TIMM23: variants seen among roughly 807,000 people sequenced by gnomAD.
TIMM23 encodes the protein translocase of inner mitochondrial membrane 23, also known as mitochondrial import inner membrane translocase subunit Tim23.
Under a neutral mutation model 30.7 loss-of-function variants are expected in TIMM23, and 19 were observed. The observed-to-expected ratio is 0.62, with a 90% confidence interval of 0.43 to 0.91. The LOEUF (loss-of-function observed/expected upper bound fraction) is 0.91, where lower values mean the gene tolerates loss of function less well. Ranked by LOEUF, TIMM23 falls within the 40% of genes least tolerant of loss-of-function variation. The pLI, the probability that TIMM23 is intolerant of heterozygous loss-of-function variation, is 0.00. For missense variants in TIMM23, 202 were observed against 269.2 expected (o/e 0.75, Z 1.75); for synonymous variants, 78 against 98.5 (o/e 0.79, Z 1.23).
chr10:45,999,388 C>T (rs1399702516), intron 6 of TIMM23, among the ~76,000 whole-genome samples: 5 of 152,156 alleles, frequency 3.3e-5, no homozygotes, highest in South Asian at 2.1e-4. Flanking sequence ...TTTCCTTAAG[C>T]GTCAGCCAGC....
intron 6 of TIMM23, among the ~76,000 whole-genome samples, chr10:45,993,334 C>T (rs1838228571): frequency 6.7e-6 from 1 of 149,308 alleles, no homozygotes; most frequent in African/African-American, 2.5e-5. Context: ...CACCCTCTGC[C>T]TCCTGCCTCC....
rs1293438904 is a variant in TIMM23 at position 45,985,372 on chromosome 10, T to C, written c.345-11T>C. 11 of 1,613,396 alleles carry C rather than the reference T, an allele frequency of 6.8e-6. No individual in the cohort carries two copies. Among genetic ancestry groups the C allele is most frequent in the Non-Finnish European group, 9.3e-6 (11 of 1,179,440 alleles). On this transcript the variant is annotated splice_polypyrimidine_tract_variant and intron_variant, in intron 4 of 6. Coordinates refer to ENST00000580018, the MANE Select transcript of TIMM23 (RefSeq NM_006327.4). Reference sequence around the variant, plus strand: ...TCTAAATACAGATTCTTTCTCTTTCTGCCCTGATAGGATTTTGAATATGGT... The same window carrying C: ...TCTAAATACAGATTCTTTCTCTTTCCGCCCTGATAGGATTTTGAATATGGT...
At chr10:46,002,611 C>A in intron 6 of TIMM23, 1 of 540,884 alleles carries the variant, frequency 1.8e-6, no homozygotes, top group Non-Finnish European at 2.4e-6. Context: ...AATCATATTA[C>A]TAGCAGGAAA....
rs1469882837 is a variant in TIMM23, at chr10:45,993,621, T to A, written c.514+4774T>A. Among the ~76,000 whole-genome samples, 5 of 151,880 alleles carry A rather than the reference T, an allele frequency of 3.3e-5. No homozygotes were observed. In the East Asian group the frequency reaches 9.7e-4, roughly 29 times the overall value. On this transcript the variant is annotated intron_variant, in intron 6 of 6. Coordinates refer to ENST00000580018, the MANE Select transcript of TIMM23 (RefSeq NM_006327.4). The stretch of plus-strand genomic sequence containing the variant: ...TGAAATGCCGGGTGTGGTGGCACAC[T>A]CCAGCCTGGGCGATAGAGCAAGTCT...
At chr10:45,990,362 T>A (rs74490530) in intron 6 of TIMM23, among the ~76,000 whole-genome samples, 7 of 151,978 alleles carry the variant, frequency 4.6e-5, no homozygotes, top group Admixed American at 2.6e-4. Flanking sequence ...ACCTCAGGTG[T>A]TCCACCCTCC....
intron 6 of TIMM23, among the ~76,000 whole-genome samples, chr10:45,989,075 A>G (rs1838080981): frequency 1.3e-5 from 2 of 152,220 alleles, no homozygotes; most frequent in African/African-American, 4.8e-5. Flanking sequence ...ACATGATTAT[A>G]TAACCAATCT....
chr10:45,997,910 T>C (rs1260629203), intron 6 of TIMM23, among the ~76,000 whole-genome samples: 2 of 152,224 alleles, frequency 1.3e-5, no homozygotes, highest in Admixed American at 1.3e-4. Flanking sequence ...TGGTAAAATT[T>C]ATGTTACATG....
At chr10:45,975,646 C>T (rs1554912935) in intron 2 of TIMM23, 134 bp downstream of exon 2, 131 of 1,148,892 alleles carry the variant, frequency 1.1e-4, no homozygotes, top group Non-Finnish European at 1.4e-4. Flanking sequence ...CCCTTTTTTC[C>T]TCACAAACAC....
intron 6 of TIMM23, among the ~76,000 whole-genome samples, chr10:45,999,415 C>G (rs1423130157): frequency 6.6e-6 from 1 of 152,030 alleles, no homozygotes; most frequent in Non-Finnish European, 1.5e-5. Flanking sequence ...AATAAAGGGA[C>G]AGGGTACAAA....
chr10:46,002,341 A>G (rs1838570078), intron 6 of TIMM23: 1 of 169,544 alleles, frequency 5.9e-6, no homozygotes, highest in Non-Finnish European at 1.2e-5. Flanking sequence ...CCACTAAGCT[A>G]ATTTTTCTAT....
intron 6 of TIMM23, among the ~76,000 whole-genome samples, chr10:45,995,263 A>G (rs1838294208): frequency 6.6e-6 from 1 of 151,982 alleles, no homozygotes; most frequent in African/African-American, 2.4e-5. Context: ...TTAGACTCTA[A>G]TTTCTTTTGA....
In TIMM23 at chr10:45,993,244, C is replaced by CTTT. The variant is rs782013689; in HGVS notation, c.514+4412_514+4414dup. 2.2e-4 allele frequency among the ~76,000 whole-genome samples: 16 copies of CTTT among 72,040 alleles called. 1 individual carries two copies. Among genetic ancestry groups the CTTT allele is most frequent in the Middle Eastern group, 8.2e-3 (1 of 122 alleles). The allele number at this position is 72,040 out of a possible 152,430, so 47.3% of individuals were successfully genotyped here. On this transcript the variant is annotated intron_variant, in intron 6 of 6. Transcript: ENST00000580018. ...TTGCCAGTGTGAGCATCTACCATCACTTTTTTTTTTTTTTTTTGGAGACTG... is the reference window on the plus strand; with the variant it reads ...TTGCCAGTGTGAGCATCTACCATCACTTTTTTTTTTTTTTTTTTTTGGAGACTG...
At chr10:45,993,679 GAATAAATGA>G (rs1399740611) in intron 6 of TIMM23, among the ~76,000 whole-genome samples, 7 of 151,880 alleles carry the variant, frequency 4.6e-5, no homozygotes, top group South Asian at 2.1e-4. Context: ...GAAATGAAGA[GAATAAATGA>G]AATAAATGAA....
At chr10:45,999,281 C>CCTTGGCCTTCCAA (rs1838445761) in intron 6 of TIMM23, among the ~76,000 whole-genome samples, 1 of 152,180 alleles carries the variant, frequency 6.6e-6, no homozygotes, top group South Asian at 2.1e-4. Flanking sequence ...TCTGGGACTA[C>CCTTGGCCTTCCAA]AGATGCATGC....
intron 2 of TIMM23, among the ~76,000 whole-genome samples, chr10:45,981,224 GC>G (rs1404399365): frequency 1.5e-5 from 2 of 134,596 alleles, no homozygotes; most frequent in Non-Finnish European, 3.1e-5. Context: ...CAGGCGGGAG[GC>G]ACCGTGCCTG....
chr10:45,993,054 T>C (rs1385018329), intron 6 of TIMM23, among the ~76,000 whole-genome samples: 1 of 152,166 alleles, frequency 6.6e-6, no homozygotes, highest in Non-Finnish European at 1.5e-5. Flanking sequence ...TTTGTTCAGA[T>C]ACCACCTTTT....
intron 6 of TIMM23, among the ~76,000 whole-genome samples, chr10:45,990,430 T>A (rs1838130439): frequency 6.7e-6 from 1 of 148,402 alleles, no homozygotes; most frequent in African/African-American, 2.5e-5. Context: ...CTTATTTTAA[T>A]TTTTTTTTTA....
At position 46,003,470 on chromosome 10, in the gene TIMM23, C is replaced by G; in HGVS notation, c.*152C>G. ...GTGATGAAAATCCTGGATGGCTGACCAAGACTGGCACTTGTTCCAGCCATT... is the reference window on the plus strand; with the variant it reads ...GTGATGAAAATCCTGGATGGCTGACGAAGACTGGCACTTGTTCCAGCCATT... On this transcript the variant is annotated 3_prime_UTR_variant, in exon 7 of 7. Coordinates refer to ENST00000580018, the MANE Select transcript of TIMM23 (RefSeq NM_006327.4). The G allele has an allele frequency of 1.7e-6, 1 of 583,008 alleles. No individual in the cohort carries two copies. The highest frequency in any genetic ancestry group is 3.0e-6 in the Non-Finnish European group (1 of 332,284). 36.1% of individuals were successfully genotyped at this position (583,008 alleles called of 1,614,324 possible).
At chr10:45,982,408 A>G in intron 2 of TIMM23, 115 bp from the exon 3 acceptor site, 3 of 989,334 alleles carry the variant, frequency 3.0e-6, no homozygotes, top group South Asian at 1.5e-5. Context: ...TATAGGTTTG[A>G]GTTAATTTAA....
Sources: allele counts gnomAD v4.1 joint callset (sites outside exome capture counted in the v4.1 genomes callset), GRCh38; gene constraint gnomAD v4.1.1; transcripts MANE v1.5; gene names NCBI Gene and HGNC (gene_info 2026-07-23, HGNC 2026-07-21).